Variants in GALNT6 observed in about 807,000 individuals in gnomAD.
GALNT6 encodes the protein GalNAc transferase 6.
In GALNT6, 51 loss-of-function variants were observed where a neutral mutation model predicts 65.9. The observed-to-expected ratio is 0.77, with a 90% CI of 0.62 to 0.98. GALNT6 has a LOEUF of 0.98. GALNT6 is among the 50% of genes least tolerant of loss of function. The pLI, the probability that GALNT6 is intolerant of heterozygous loss-of-function variation, is 0.00. For synonymous variants in GALNT6, 323 were observed against 315.1 expected, an observed-to-expected ratio of 1.02 and a Z score of -0.26; for missense variants, 708 against 803.3, an observed-to-expected ratio of 0.88 and a Z score of 1.43.
In GALNT6 at chr12:51,366,463, A is replaced by G. The variant is rs140825287; in HGVS notation, c.665-884T>C. 1.4e-3 allele frequency among the ~76,000 whole-genome samples: 214 copies of G among 152,346 alleles called. 1 individual carries two copies. The highest frequency in any genetic ancestry group is 4.8e-3 in the African/African-American group (199 of 41,578). The stretch of plus-strand genomic sequence containing the variant: ...TAATCCCCTTTGTAACCTCCTCTGC[A>G]GATAGAATTCTTTAAGGTGAAAACA... On this transcript the variant is annotated intron_variant, in intron 4 of 11. Coordinates refer to ENST00000356317, the MANE Select transcript of GALNT6 (RefSeq NM_007210.4).
intron 2 of GALNT6, among the ~76,000 whole-genome samples, chr12:51,384,652 A>AC (rs1287477210): frequency 2.2e-5 from 3 of 137,978 alleles, no homozygotes; most frequent in Non-Finnish European, 4.6e-5. Flanking sequence ...AAATAGCACC[A>AC]CCGTACTCCA....
At chr12:51,384,160 C>G (rs1947756352) in intron 2 of GALNT6, among the ~76,000 whole-genome samples, 1 of 152,140 alleles carries the variant, frequency 6.6e-6, no homozygotes, top group Non-Finnish European at 1.5e-5. Flanking sequence ...TTGGACCATC[C>G]TTGGCTTTGA....
At chr12:51,390,165 T>TCTTTCTTTCTTTC in intron 2 of GALNT6, among the ~76,000 whole-genome samples, 1 of 115,622 alleles carries the variant, frequency 8.6e-6, no homozygotes. Flanking sequence ...TCTTTTTTTT[T>TCTTTCTTTCTTTC]TTTTTTTTTT....
rs372415691 is a variant in GALNT6, at chr12:51,389,845, C to T, written c.-104+1005G>A. Among the ~76,000 whole-genome samples the T allele has an allele frequency of 2.6e-4, 39 of 152,348 alleles. No individual in the cohort carries two copies. In the East Asian group the frequency reaches 4.2e-3, roughly 17 times the overall value. On this transcript the variant is annotated intron_variant, in intron 2 of 11. Transcript: ENST00000356317. ...CACCTGACACACATCAGGGCCTCCC[C>T]TTCTCTGCCCTGAGTTCTTCCATGC...
At chr12:51,373,493 G>C (rs1371050310) in intron 4 of GALNT6, among the ~76,000 whole-genome samples, 1 of 152,134 alleles carries the variant, frequency 6.6e-6, no homozygotes, top group African/African-American at 2.4e-5. Flanking sequence ...CATGATTATA[G>C]GTTTCCTGAG....
chr12:51,358,024 G>T, intron 9 of GALNT6, 106 bp downstream of exon 9: 6 of 1,141,010 alleles, frequency 5.3e-6, no homozygotes, highest in Non-Finnish European at 7.7e-6. Context: ...GAGGGTGCAG[G>T]GCAAAACTCA....
At chr12:51,384,548 C>A (rs897526060) in intron 2 of GALNT6, among the ~76,000 whole-genome samples, 1 of 151,864 alleles carries the variant, frequency 6.6e-6, no homozygotes, top group African/African-American at 2.4e-5. Flanking sequence ...AAAAATTAGC[C>A]AGGCATGGTG....
chr12:51,389,650 A>G (rs564534033), intron 2 of GALNT6, among the ~76,000 whole-genome samples: 7 of 152,278 alleles, frequency 4.6e-5, no homozygotes, highest in South Asian at 4.1e-4. Context: ...TGCCTTCATG[A>G]TACTCACTGC....
At chr12:51,364,671 GCCCTCCGGGCC>G (rs1194248469) in intron 5 of GALNT6, among the ~76,000 whole-genome samples, 1 of 152,236 alleles carries the variant, frequency 6.6e-6, no homozygotes, top group African/African-American at 2.4e-5. Context: ...CATTGGCCCA[GCCCTCCGGGCC>G]CACGTGTGGA....
intron 2 of GALNT6, among the ~76,000 whole-genome samples, chr12:51,388,575 G>A (rs1444129822): frequency 6.6e-6 from 1 of 152,096 alleles, no homozygotes; most frequent in African/African-American, 2.4e-5. Context: ...TCAGTTTCTA[G>A]GTGTTATTTG....
intron 4 of GALNT6, among the ~76,000 whole-genome samples, chr12:51,367,636 TG>T (rs1947153056): frequency 1.3e-5 from 2 of 152,208 alleles, no homozygotes; most frequent in African/African-American, 4.8e-5. Context: ...TTTTGGACTG[TG>T]GGATCAGCCC....
Position 51,357,439 on chromosome 12 carries a change from G to A in GALNT6, c.1512C>T (p.Leu504=), listed in dbSNP as rs758521920. Residue 504 remains leucine (L), a synonymous_variant, in exon 10 of 12, where the codon CTC becomes CTT. Transcript: ENST00000356317. ...CCACATCCAGGCATTGGTTGGTGCC[G>A]AGGTTCTTGATCTGCAGAAGGGTGA... The part of the protein sequence containing the change: ...TPTFYGAIKN[L]GTNQCLDVGE... 4.9e-5 allele frequency: 79 copies of A among 1,612,806 alleles called. No homozygotes were observed. The highest frequency in any genetic ancestry group is 2.2e-5 in the East Asian group (1 of 44,880).
intron 4 of GALNT6, among the ~76,000 whole-genome samples, chr12:51,371,944 G>C (rs776344726): frequency 7.9e-5 from 12 of 152,180 alleles, no homozygotes; most frequent in Non-Finnish European, 1.6e-4. Context: ...GGACGGCAGA[G>C]ATTTCTGACC....
chr12:51,365,904 G>A (rs550358604), intron 4 of GALNT6, among the ~76,000 whole-genome samples: 4 of 152,228 alleles, frequency 2.6e-5, no homozygotes, highest in Non-Finnish European at 2.9e-5. Flanking sequence ...CTGTGGTCAC[G>A]TATCAAGTAC....
At chr12:51,372,177 G>C (rs1396845456) in intron 4 of GALNT6, among the ~76,000 whole-genome samples, 1 of 152,134 alleles carries the variant, frequency 6.6e-6, no homozygotes, top group African/African-American at 2.4e-5. Flanking sequence ...AGAAAAATAA[G>C]AATGACTAGC....
intron 4 of GALNT6, among the ~76,000 whole-genome samples, chr12:51,375,973 G>A (rs1947440535): frequency 6.6e-6 from 1 of 152,000 alleles, no homozygotes. Flanking sequence ...TGATTCTTGT[G>A]CCTCAGCCTC....
intron 7 of GALNT6, chr12:51,359,959 G>A (rs751192914): frequency 7.9e-5 from 12 of 152,240 alleles, no homozygotes; most frequent in African/African-American, 9.6e-5. Flanking sequence ...GGGAAAGTAT[G>A]TTGTTATTCA....
At position 51,387,149 on chromosome 12, in the gene GALNT6, G is replaced by A. The variant is rs1301763754; in HGVS notation, c.-104+3701C>T. Reference sequence around the variant, plus strand: ...GTCTCATTCTGTTGCCCATACTGGAGTGCAGTGGCGGGATCTCGGCTCACT... The same window carrying A: ...GTCTCATTCTGTTGCCCATACTGGAATGCAGTGGCGGGATCTCGGCTCACT... On this transcript the variant is annotated intron_variant, in intron 2 of 11. Coordinates refer to ENST00000356317, the MANE Select transcript of GALNT6 (RefSeq NM_007210.4). This position sits in a 1 kb window ranked among gnomAD's most constrained non-coding sequence, Gnocchi z 4.2. Among the ~76,000 whole-genome samples the A allele has an allele frequency of 1.3e-5, 2 of 151,874 alleles. No homozygotes were observed. Among genetic ancestry groups the A allele is most frequent in the Admixed American group, 1.3e-4 (2 of 15,252 alleles).
intron 6 of GALNT6, among the ~76,000 whole-genome samples, chr12:51,363,787 T>C (rs370899778): frequency 2.4e-4 from 37 of 152,322 alleles, no homozygotes; most frequent in South Asian, 2.3e-3. Context: ...AACTAAAGAA[T>C]GTATAGCCCT....
Sources: gnomAD v4.1 joint callset for allele counts (sites outside exome capture counted in the v4.1 genomes callset) on GRCh38, gnomAD v4.1.1 for gene constraint, Gnocchi (gnomAD v3.1) non-coding constraint, MANE v1.5 for transcripts, NCBI Gene and HGNC (gene_info 2026-07-23, HGNC 2026-07-21) for gene names.